The following CEP41 variants were observed in gnomAD, a reference collection of about 807,000 sequenced individuals.
The protein encoded by CEP41 is centrosomal protein of 41 kDa.
CEP41 carries 32 observed loss-of-function variants against 44.3 expected under a neutral mutation model. That is an observed-to-expected ratio of 0.72 (90% CI 0.54 to 0.97). The LOEUF is 0.97. CEP41 is among the 50% of genes least tolerant of loss of function. CEP41 has a pLI of 0.00. For synonymous variants in CEP41, 151 were observed against 168.5 expected (o/e 0.90, Z 0.80); for missense variants, 432 against 455.2 (o/e 0.95, Z 0.46).
At chr7:130,419,763 A>G in intron 2 of CEP41, 1 of 985,298 alleles carries the variant, frequency 1.0e-6, no homozygotes. Context: ...TTAACTTGAC[A>G]AACTCTTAGT....
rs1196594622 is a variant in CEP41, at chr7:130,397,495, T to C, written c.*1396A>G. The C allele has an allele frequency of 1.2e-5, 5 of 425,240 alleles. No individual in the cohort carries two copies. Among genetic ancestry groups the C allele is most frequent in the African/African-American group, 6.4e-5 (3 of 46,546 alleles). 26.3% of individuals were successfully genotyped at this position (425,240 alleles called of 1,614,324 possible). A position where few individuals can be genotyped will look rare whatever the true frequency, so the allele number is the denominator to read the frequency against. The stretch of plus-strand genomic sequence containing the variant: ...ACAAACACAGCCCCCATGCTAGAAA[T>C]ACTGTGGTGCATTTTTTTTTTTTTT... On this transcript the variant is annotated 3_prime_UTR_variant, in exon 11 of 11. Transcript: ENST00000223208.
chr7:130,440,210 G>C (rs1286754334), intron 1 of CEP41, among the ~76,000 whole-genome samples: 2 of 152,042 alleles, frequency 1.3e-5, no homozygotes, highest in Non-Finnish European at 2.9e-5. Flanking sequence ...TAGTAGAGAC[G>C]GGGTTTCGCC....
rs1360964704 is a variant in CEP41 at position 130,401,750 on chromosome 7, A to T, written c.642+131T>A. 4.5e-6 allele frequency: 3 copies of T among 660,840 alleles called. No individual in the cohort carries two copies. In the South Asian group the frequency reaches 4.7e-5, roughly 10 times the overall value. 40.9% of individuals were successfully genotyped at this position (660,840 alleles called of 1,614,324 possible). On this transcript the variant is annotated intron_variant, in intron 8 of 10. Coordinates refer to ENST00000223208, the MANE Select transcript of CEP41 (RefSeq NM_018718.3). ...TTCTTGGCAATAGCTAGGAATCCAA[A>T]TTCTAAAATATGCTCAGCCAAATAA...
intron 10 of CEP41, chr7:130,399,494 T>A: frequency 8.8e-6 from 2 of 227,192 alleles, no homozygotes; most frequent in South Asian, 1.4e-4. Context: ...AACTCCTCAA[T>A]TTTACCTGAG....
intron 5 of CEP41, among the ~76,000 whole-genome samples, chr7:130,410,394 C>A (rs1344183574): frequency 6.6e-6 from 1 of 152,088 alleles, no homozygotes; most frequent in African/African-American, 2.4e-5. Context: ...AACTCTCCCA[C>A]AACATCCTGC....
chr7:130,438,850 T>C (rs1554426825), intron 1 of CEP41, among the ~76,000 whole-genome samples: 2 of 152,220 alleles, frequency 1.3e-5, no homozygotes, highest in African/African-American at 4.8e-5. Context: ...TATACATTTA[T>C]GGGGTACAAT....
intron 2 of CEP41, chr7:130,417,200 AC>A: frequency 7.5e-7 from 1 of 1,331,106 alleles, no homozygotes; most frequent in South Asian, 1.6e-5. Flanking sequence ...TGGGATGCAT[AC>A]CCCCAAAACA....
chr7:130,416,781 TGAG>T, intron 3 of CEP41, 135 bp downstream of exon 3: 1 of 757,040 alleles, frequency 1.3e-6, no homozygotes, highest in East Asian at 2.5e-5. Context: ...CCACAGCCCT[TGAG>T]GCACCTGCTA....
chr7:130,425,695 G>C (rs1267680345), intron 2 of CEP41, among the ~76,000 whole-genome samples: 4 of 152,202 alleles, frequency 2.6e-5, no homozygotes, highest in African/African-American at 9.7e-5. Context: ...ACAAAAATAT[G>C]TGCATAAGTG....
rs190709953 is a variant in CEP41, at chr7:130,396,775, A to G, written c.*2116T>C. ...CAACAGGGCAAAGCAAGCACTGTGG[A>G]GAAATACACATAAATATATCCAACC... On this transcript the variant is annotated 3_prime_UTR_variant, in exon 11 of 11. Coordinates refer to ENST00000223208, the MANE Select transcript of CEP41 (RefSeq NM_018718.3). The G allele has an allele frequency of 1.2e-3, 534 of 454,256 alleles. 3 individuals are homozygous for G. Among genetic ancestry groups the G allele is most frequent in the African/African-American group, 9.5e-3 (476 of 50,142 alleles). The allele number at this position is 454,256 out of a possible 1,614,324, so 28.1% of individuals were successfully genotyped here.
At chr7:130,399,483 T>TA (rs1410864608) in intron 10 of CEP41, 1 of 234,308 alleles carries the variant, frequency 4.3e-6, no homozygotes, top group Non-Finnish European at 8.4e-6. Flanking sequence ...GTCTGATGCT[T>TA]AACTCCTCAA....
intron 2 of CEP41, chr7:130,421,844 G>C: frequency 1.4e-6 from 2 of 1,439,290 alleles, no homozygotes; most frequent in African/African-American, 1.4e-5. Flanking sequence ...CCCTTAATCA[G>C]CCTGCAGTGC....
Position 130,394,883 on chromosome 7 carries a change from C to T in CEP41, c.*4008G>A, listed in dbSNP as rs1418226699. 4.2e-5 allele frequency: 19 copies of T among 453,994 alleles called. No homozygotes were observed. Among genetic ancestry groups the T allele is most frequent in the African/African-American group, 1.8e-4 (9 of 50,002 alleles). 28.1% of individuals were successfully genotyped at this position (453,994 alleles called of 1,614,324 possible). A position where few individuals can be genotyped will look rare whatever the true frequency, so the allele number is the denominator to read the frequency against. The stretch of plus-strand genomic sequence containing the variant: ...TATCCTTTAAAAGATGCAGCCCATC[C>T]GTCCACAGCATTTGAGAAGTGGCCT... On this transcript the variant is annotated 3_prime_UTR_variant, in exon 11 of 11. Coordinates refer to ENST00000223208, the MANE Select transcript of CEP41 (RefSeq NM_018718.3).
chr7:130,395,742 C>T lies in CEP41; in HGVS notation c.*3149G>A, dbSNP rs1554414215. ...TTTTCTTGGTCGAGTAGCCTAAAGT[C>T]TTAAGAATTTTTGTATAATTTAAAT... On this transcript the variant is annotated 3_prime_UTR_variant, in exon 11 of 11. Coordinates refer to ENST00000223208, the MANE Select transcript of CEP41 (RefSeq NM_018718.3). The T allele has an allele frequency of 4.4e-6, 2 of 453,738 alleles. No homozygotes were observed. The highest frequency in any genetic ancestry group is 8.8e-6 in the Non-Finnish European group (2 of 226,714). 28.1% of individuals were successfully genotyped at this position (453,738 alleles called of 1,614,324 possible).
chr7:130,393,941 C>T lies in CEP41; in HGVS notation c.*4950G>A, dbSNP rs782591321. The T allele has an allele frequency of 2.2e-5, 10 of 454,074 alleles. No homozygotes were observed. The highest frequency in any genetic ancestry group is 1.6e-4 in the South Asian group (10 of 64,470). The allele number at this position is 454,074 out of a possible 1,614,324, so 28.1% of individuals were successfully genotyped here. A position where few individuals can be genotyped will look rare whatever the true frequency, so the allele number is the denominator to read the frequency against. ...TCGGAAGCCCTGGAGCACCTGTCTT[C>T]AAGATAAGACAGCAGACACAGGCGG... On this transcript the variant is annotated 3_prime_UTR_variant, in exon 11 of 11. Coordinates refer to ENST00000223208, the MANE Select transcript of CEP41 (RefSeq NM_018718.3).
chr7:130,397,843 C>T lies in CEP41; in HGVS notation c.*1048G>A. On this transcript the variant is annotated 3_prime_UTR_variant, in exon 11 of 11. Coordinates refer to ENST00000223208, the MANE Select transcript of CEP41 (RefSeq NM_018718.3). Reference sequence around the variant, plus strand: ...CGGCCAAAACCAGAATCTATAATCACAACTTCCTAATCACAGTTCAGTCAT... The same window carrying T: ...CGGCCAAAACCAGAATCTATAATCATAACTTCCTAATCACAGTTCAGTCAT... The T allele has an allele frequency of 2.2e-6, 1 of 448,044 alleles. No homozygotes were observed. Among genetic ancestry groups the T allele is most frequent in the Non-Finnish European group, 4.5e-6 (1 of 221,536 alleles). 27.8% of individuals were successfully genotyped at this position (448,044 alleles called of 1,614,324 possible). A position where few individuals can be genotyped will look rare whatever the true frequency, so the allele number is the denominator to read the frequency against.
chr7:130,428,286 T>TG (rs1797723176), intron 1 of CEP41, among the ~76,000 whole-genome samples: 1 of 151,696 alleles, frequency 6.6e-6, no homozygotes, highest in Non-Finnish European at 1.5e-5. Flanking sequence ...TAGCCAGGCA[T>TG]GGTGATGGGC....
In CEP41 at chr7:130,400,047, T is replaced by C. The variant is rs2117551551; in HGVS notation, c.965A>G (p.Asp322Gly). The change falls in exon 10 of 11, where the codon GAT (aspartate) becomes GGT (glycine). Residue 322 changes from aspartate (D) to glycine (G), a missense_variant. Coordinates refer to ENST00000223208, the MANE Select transcript of CEP41 (RefSeq NM_018718.3). The part of the protein sequence containing the change: ...YYLEEEQGPA[D>G]HPSRLNQANS... ...AGGTCAAAAGATCTTACTAGGATGA[T>C]CTGCAGGCCCTTGCTCCTCTTCCAG... is the stretch of plus-strand genomic sequence containing the variant. The C allele has an allele frequency of 3.1e-6, 5 of 1,600,146 alleles. No individual in the cohort carries two copies. The highest frequency in any genetic ancestry group is 4.3e-6 in the Non-Finnish European group (5 of 1,168,724).
upstream of CEP41, chr7:130,441,203 T>A: frequency 1.5e-6 from 1 of 648,994 alleles, no homozygotes; most frequent in Non-Finnish European, 2.8e-6. Flanking sequence ...CGAGGCCTTT[T>A]GTTCTCTGGG....
Sources: gnomAD v4.1 joint callset for allele counts (sites outside exome capture counted in the v4.1 genomes callset) on GRCh38, gnomAD v4.1.1 for gene constraint, MANE v1.5 for transcripts, NCBI Gene and HGNC (gene_info 2026-07-23, HGNC 2026-07-21) for gene names.